The following GRIP1 variants were observed in gnomAD, a reference collection of about 807,000 sequenced individuals.
The protein encoded by GRIP1 is glutamate receptor-interacting protein 1.
A neutral mutation model predicts 129.9 loss-of-function variants in GRIP1; 45 were observed. The observed-to-expected ratio is 0.35, with a 90% CI of 0.27 to 0.44. The LOEUF (loss-of-function observed/expected upper bound fraction) is 0.44, where lower values mean the gene tolerates loss of function less well. Among genes scored for constraint, GRIP1 ranks in the 20% least tolerant of loss-of-function variants. GRIP1 has a pLI of 1.00. For synonymous variants in GRIP1, 530 were observed against 520.8 expected (o/e 1.02, Z -0.24); for missense variants, 1,196 against 1,396.8 (o/e 0.86, Z 2.29).
Position 66,742,292 on chromosome 12 carries a change from C to T in GRIP1, c.-420+61761G>A, listed in dbSNP as rs150295807. Among the ~76,000 whole-genome samples, 18 of 152,220 alleles carry T rather than the reference C, an allele frequency of 1.2e-4. No homozygotes were observed. The East Asian group carries it at 3.3e-3, about 28-fold the overall frequency. On this transcript the variant is annotated intron_variant, in intron 1 of 4. Coordinates refer to the GRIP1 transcript ENST00000538373. ...TCAAAGAAGTTGGGATATTTTGTTA[C>T]AAATGAACTAGTAATAAAATAGTTT... is the stretch of plus-strand genomic sequence containing the variant.
intron 13 of GRIP1, among the ~76,000 whole-genome samples, chr12:66,440,860 C>G (rs977370559): frequency 6.6e-6 from 1 of 152,106 alleles, no homozygotes; most frequent in African/African-American, 2.4e-5. Context: ...CAAAATTGAC[C>G]CCAGTTGAGA....
chr12:66,647,904 C>T (rs1382012458), intron 1 of GRIP1, among the ~76,000 whole-genome samples: 1 of 152,156 alleles, frequency 6.6e-6, no homozygotes, highest in Non-Finnish European at 1.5e-5. Flanking sequence ...AATCCCCTCC[C>T]TAACATATGA....
At chr12:66,458,962 C>T (rs2059052788) in intron 9 of GRIP1, among the ~76,000 whole-genome samples, 1 of 152,232 alleles carries the variant, frequency 6.6e-6, no homozygotes, top group South Asian at 2.1e-4. Context: ...AGGAGCTGCC[C>T]TCCCCATGCT....
intron 1 of GRIP1, among the ~76,000 whole-genome samples, chr12:66,928,674 C>T (rs1478911061): frequency 2.0e-5 from 3 of 152,138 alleles, no homozygotes; most frequent in Non-Finnish European, 4.4e-5. Context: ...ATGTAGGAAG[C>T]GTTTCTATGG....
chr12:66,596,756 T>C (rs2064067308), intron 2 of GRIP1, 91 bp downstream of exon 2: 2 of 747,192 alleles, frequency 2.7e-6, no homozygotes, highest in Admixed American at 1.9e-5. Flanking sequence ...TTATTATTAT[T>C]ATTATTTTTA....
rs1245657872 is a variant in GRIP1, at chr12:66,844,361, T to C, written c.58+224689A>G. On this transcript the variant is annotated intron_variant, in intron 1 of 1. Coordinates refer to the GRIP1 transcript ENST00000643019. ...AAAATATGCTCAACATCACTACTTA[T>C]TAGGAATACGCAAATCAAAACCATG... Among the ~76,000 whole-genome samples the C allele has an allele frequency of 3.9e-5, 6 of 152,134 alleles. No individual in the cohort carries two copies. The South Asian group carries it at 8.3e-4, about 21-fold the overall frequency.
At chr12:67,012,036 C>A (rs2042716224) in intron 1 of GRIP1, among the ~76,000 whole-genome samples, 1 of 152,156 alleles carries the variant, frequency 6.6e-6, no homozygotes, top group Admixed American at 6.5e-5. Flanking sequence ...GACTGTTTTA[C>A]CCTCACCACT....
At chr12:66,510,772 C>T (rs775401721) in intron 7 of GRIP1, among the ~76,000 whole-genome samples, 9 of 151,998 alleles carry the variant, frequency 5.9e-5, no homozygotes, top group Non-Finnish European at 1.0e-4. Context: ...ATTGTACACA[C>T]ATACACCACA....
At chr12:66,856,449 G>T (rs566530337) in intron 1 of GRIP1, among the ~76,000 whole-genome samples, 134 of 152,104 alleles carry the variant, frequency 8.8e-4, no homozygotes, top group African/African-American at 3.2e-3. Flanking sequence ...TACAGAATGG[G>T]AGAAAATTTT....
intron 1 of GRIP1, among the ~76,000 whole-genome samples, chr12:66,811,580 T>C (rs369996348): frequency 6.6e-6 from 1 of 152,116 alleles, no homozygotes; most frequent in East Asian, 1.9e-4. Flanking sequence ...CGGAATTCAT[T>C]CCATTTTCCT....
At chr12:66,460,079 T>C (rs186956744) in intron 9 of GRIP1, among the ~76,000 whole-genome samples, 1 of 152,246 alleles carries the variant, frequency 6.6e-6, no homozygotes, top group Non-Finnish European at 1.5e-5. Flanking sequence ...ATTTTACAGA[T>C]GAAGCAACTG....
intron 1 of GRIP1, among the ~76,000 whole-genome samples, chr12:66,902,864 A>G (rs958117174): frequency 6.6e-6 from 1 of 152,230 alleles, no homozygotes; most frequent in Non-Finnish European, 1.5e-5. Flanking sequence ...GTAAAGATAC[A>G]TGTTCTGCGT....
At chr12:66,527,887 C>G (rs2139072394) in intron 5 of GRIP1, among the ~76,000 whole-genome samples, 1 of 151,942 alleles carries the variant, frequency 6.6e-6, no homozygotes, top group South Asian at 2.1e-4. Flanking sequence ...ACTTGGATGA[C>G]AAAATTATCT....
At chr12:66,521,917 C>A (rs1441943096) in intron 5 of GRIP1, among the ~76,000 whole-genome samples, 3 of 152,172 alleles carry the variant, frequency 2.0e-5, no homozygotes. Flanking sequence ...GCACAGCAGT[C>A]TGAGATCAAA....
intron 2 of GRIP1, among the ~76,000 whole-genome samples, chr12:66,586,037 T>A (rs1012104277): frequency 6.6e-6 from 1 of 152,194 alleles, no homozygotes; most frequent in Non-Finnish European, 1.5e-5. Flanking sequence ...CTCTTATGTA[T>A]ATATTTTAAA....
At chr12:66,843,749 C>T (rs544215016) in intron 1 of GRIP1, among the ~76,000 whole-genome samples, 4 of 152,198 alleles carry the variant, frequency 2.6e-5, no homozygotes, top group African/African-American at 9.6e-5. Context: ...ACAATATCCA[C>T]ATGTAAAGGA....
intron 1 of GRIP1, among the ~76,000 whole-genome samples, chr12:66,877,951 A>G (rs1252119259): frequency 6.6e-6 from 1 of 152,166 alleles, no homozygotes; most frequent in Non-Finnish European, 1.5e-5. Flanking sequence ...ATAGAGAATT[A>G]TAACAAGGTA....
intron 7 of GRIP1, among the ~76,000 whole-genome samples, chr12:66,509,383 A>G (rs1380873120): frequency 7.2e-5 from 11 of 152,172 alleles, no homozygotes; most frequent in Admixed American, 7.2e-4. Flanking sequence ...TATTTTAGAG[A>G]TGGAAAAGTT....
At chr12:66,951,326 C>T (rs139662834) in intron 1 of GRIP1, among the ~76,000 whole-genome samples, 137 of 152,114 alleles carry the variant, frequency 9.0e-4, no homozygotes, top group Middle Eastern at 3.4e-3. Context: ...GTTAACTAAG[C>T]GGAGTGAAGT....
Sources: allele counts gnomAD v4.1 joint callset (sites outside exome capture counted in the v4.1 genomes callset), GRCh38; gene constraint gnomAD v4.1.1; transcripts MANE v1.5; gene names NCBI Gene and HGNC (gene_info 2026-07-23, HGNC 2026-07-21).